HPSE2: variants seen among roughly 807,000 people sequenced by gnomAD.
The protein encoded by HPSE2 is heparanase 2 (inactive).
Under a neutral mutation model 60.5 loss-of-function variants are expected in HPSE2, and 38 were observed. That is an observed-to-expected ratio of 0.63 (90% CI 0.48 to 0.82). HPSE2 has a LOEUF of 0.82. HPSE2 is among the 40% of genes least tolerant of loss of function. The pLI is 0.00. For missense variants in HPSE2, 713 were observed against 740.4 expected (o/e 0.96, Z 0.43); for synonymous variants, 295 against 293.2 (o/e 1.01, Z -0.06).
Position 98,749,947 on chromosome 10 carries a change from T to TATATATATATATACACACACACAC in HPSE2, c.611-5892_611-5891insGTGTGTGTGTGTATATATATATAT. The stretch of plus-strand genomic sequence containing the variant: ...ATTAAACACTATATATATATATATA[T>TATATATATATATACACACACACAC]ACACACACACTTACACACACATTTA... On this transcript the variant is annotated intron_variant, in intron 3 of 11. Transcript: ENST00000370552. Among the ~76,000 whole-genome samples, 105 of 98,464 alleles carry TATATATATATATACACACACACAC rather than the reference T, an allele frequency of 1.1e-3. 1 individual carries two copies. The highest frequency in any genetic ancestry group is 1.5e-3 in the Admixed American group (13 of 8,748). The allele number at this position is 98,464 out of a possible 152,430, so 64.6% of individuals were successfully genotyped here.
At chr10:98,966,910 A>G (rs1382919079) in intron 3 of HPSE2, among the ~76,000 whole-genome samples, 1 of 152,212 alleles carries the variant, frequency 6.6e-6, no homozygotes, top group Admixed American at 6.5e-5. Context: ...ATGTACAAAT[A>G]TATCAAAAAG....
intron 3 of HPSE2, among the ~76,000 whole-genome samples, chr10:98,958,101 A>C (rs1955554685): frequency 6.6e-6 from 1 of 152,124 alleles, no homozygotes; most frequent in South Asian, 2.1e-4. Flanking sequence ...ATGGATCTAA[A>C]TTCCCAAGAG....
intron 3 of HPSE2, among the ~76,000 whole-genome samples, chr10:98,904,722 C>G (rs1390357435): frequency 6.6e-6 from 1 of 152,094 alleles, no homozygotes; most frequent in Non-Finnish European, 1.5e-5. Context: ...ATTTCCTATG[C>G]CTCTCCAATC....
intron 9 of HPSE2, among the ~76,000 whole-genome samples, chr10:98,590,269 C>T (rs546595439): frequency 2.9e-4 from 44 of 152,142 alleles, no homozygotes; most frequent in African/African-American, 4.1e-4. Flanking sequence ...GGTGAAACCC[C>T]GTCTTTACTA....
chr10:99,008,412 G>T (rs1360829336), intron 3 of HPSE2, among the ~76,000 whole-genome samples: 1 of 152,110 alleles, frequency 6.6e-6, no homozygotes, highest in African/African-American at 2.4e-5. Context: ...GAGTCTTTAT[G>T]TTCAGAAAAA....
chr10:98,576,583 C>T (rs1385772141), intron 9 of HPSE2, among the ~76,000 whole-genome samples: 1 of 152,112 alleles, frequency 6.6e-6, no homozygotes, highest in East Asian at 1.9e-4. Context: ...GGAAGCTCTG[C>T]GGGGTCCCAG....
rs200059066 is a variant in HPSE2, at chr10:99,184,522, C to CAAAAAAA, written c.449-40130_449-40124dup. Among the ~76,000 whole-genome samples the CAAAAAAA allele has an allele frequency of 1.2e-3, 75 of 60,760 alleles. 5 individuals carry two copies. The highest frequency in any genetic ancestry group is 1.4e-3 in the Non-Finnish European group (55 of 38,182). 39.9% of individuals were successfully genotyped at this position (60,760 alleles called of 152,430 possible). On this transcript the variant is annotated intron_variant, in intron 2 of 11. Coordinates refer to ENST00000370552, the MANE Select transcript of HPSE2 (RefSeq NM_021828.5). ...CCTGGGCAACAGAGCGAGACTGTCT[C>CAAAAAAA]AAAAAAAAAAAAAAAAAAAAAAAAA...
chr10:98,465,010 T>G (rs1940467407), intron 11 of HPSE2, among the ~76,000 whole-genome samples: 1 of 152,238 alleles, frequency 6.6e-6, no homozygotes, highest in Admixed American at 6.5e-5. Context: ...AATAAGGTTT[T>G]GTGAGACCTT....
At chr10:99,207,375 A>G (rs1483258754) in intron 2 of HPSE2, among the ~76,000 whole-genome samples, 1 of 152,234 alleles carries the variant, frequency 6.6e-6, no homozygotes, top group Admixed American at 6.5e-5. Context: ...CATCATCACC[A>G]GACGTGTCTT....
At chr10:98,794,653 A>G (rs1589835502) in intron 3 of HPSE2, among the ~76,000 whole-genome samples, 1 of 152,000 alleles carries the variant, frequency 6.6e-6, no homozygotes, top group East Asian at 1.9e-4. Context: ...ATGTCCTTCA[A>G]TTTAGGTTTG....
chr10:98,762,179 G>T (rs1433614473), intron 3 of HPSE2, among the ~76,000 whole-genome samples: 1 of 151,222 alleles, frequency 6.6e-6, no homozygotes, highest in African/African-American at 2.4e-5. Flanking sequence ...ATTGAAAAAT[G>T]GGACCTTGTT....
intron 3 of HPSE2, among the ~76,000 whole-genome samples, chr10:98,852,347 G>A (rs922443876): frequency 2.6e-5 from 4 of 151,938 alleles, no homozygotes; most frequent in Non-Finnish European, 4.4e-5. Context: ...TTTTGTGTTG[G>A]AGCTGGCCAT....
intron 3 of HPSE2, among the ~76,000 whole-genome samples, chr10:98,778,784 C>T (rs1388524662): frequency 6.6e-6 from 1 of 152,102 alleles, no homozygotes; most frequent in East Asian, 1.9e-4. Context: ...AGATGATCTC[C>T]AATGTTCATT....
intron 3 of HPSE2, among the ~76,000 whole-genome samples, chr10:99,032,853 T>C (rs957283947): frequency 1.3e-5 from 2 of 152,200 alleles, no homozygotes; most frequent in African/African-American, 2.4e-5. Flanking sequence ...CCTTCTCATA[T>C]CACATCTAAT....
chr10:99,183,908 C>T (rs369505086), intron 2 of HPSE2, among the ~76,000 whole-genome samples: 18 of 152,156 alleles, frequency 1.2e-4, no homozygotes, highest in East Asian at 1.2e-3. Context: ...CTGACAGCCT[C>T]AGAAAGCCTC....
intron 3 of HPSE2, among the ~76,000 whole-genome samples, chr10:98,865,918 T>A (rs1748131265): frequency 6.6e-6 from 1 of 152,102 alleles, no homozygotes; most frequent in Non-Finnish European, 1.5e-5. Flanking sequence ...AGGATCAAAC[T>A]GTTTCCAAAT....
chr10:98,517,735 G>C (rs1246361716), intron 9 of HPSE2, among the ~76,000 whole-genome samples: 1 of 152,128 alleles, frequency 6.6e-6, no homozygotes, highest in Admixed American at 6.5e-5. Flanking sequence ...GAAAAGCATG[G>C]CGTTTGGAGT....
chr10:99,253,296 A>T, the HPSE2 span, among the ~76,000 whole-genome samples: 1 of 152,202 alleles, frequency 6.6e-6, no homozygotes, highest in African/African-American at 2.4e-5. Flanking sequence ...ACACAGACCA[A>T]TGGAACAGAA....
rs1944167518 is a variant in HPSE2 at position 98,561,165 on chromosome 10, G to GGT, written c.1320+53738_1320+53739insAC. 2.1e-5 allele frequency among the ~76,000 whole-genome samples: 3 copies of GGT among 145,118 alleles called. No individual in the cohort carries two copies. The South Asian group carries it at 6.5e-4, about 31-fold the overall frequency. On this transcript the variant is annotated intron_variant, in intron 9 of 11. Coordinates refer to ENST00000370552, the MANE Select transcript of HPSE2 (RefSeq NM_021828.5). Reference sequence around the variant, plus strand: ...GAAAGTGATACTGGTTTTTTTTTTTGTTCTTTTTTTTGTTTTTTTGACACA... The same window carrying GGT: ...GAAAGTGATACTGGTTTTTTTTTTTGGTTTCTTTTTTTTGTTTTTTTGACACA...
Sources: gnomAD v4.1 joint callset for allele counts (sites outside exome capture counted in the v4.1 genomes callset) on GRCh38, gnomAD v4.1.1 for gene constraint, MANE v1.5 for transcripts, NCBI Gene and HGNC (gene_info 2026-07-23, HGNC 2026-07-21) for gene names.